SUPT3H: variants seen among roughly 807,000 people sequenced by gnomAD.
SUPT3H encodes transcription initiation protein SPT3 homolog.
A neutral mutation model predicts 44.3 loss-of-function variants in SUPT3H; 44 were observed. The ratio of observed to expected loss-of-function variants is 0.99; its 90% CI spans 0.78 to 1.28. The LOEUF is 1.28. SUPT3H is among the 50% of genes most tolerant of loss of function. The pLI, the probability that SUPT3H is intolerant of heterozygous loss-of-function variation, is 0.00. For synonymous variants in SUPT3H, 124 were observed against 125.6 expected (o/e 0.99, Z 0.09); for missense variants, 380 against 387.1 (o/e 0.98, Z 0.15).
In SUPT3H at chr6:45,328,692, G is replaced by A. The variant is rs1024670298; in HGVS notation, c.101+36509C>T. 2.5e-6 allele frequency: 4 copies of A among 1,611,712 alleles called. No individual in the cohort carries two copies. In the South Asian group the frequency reaches 3.3e-5, roughly 13 times the overall value. On this transcript the variant is annotated intron_variant, in intron 2 of 10. Coordinates refer to ENST00000371459, the MANE Select transcript of SUPT3H (RefSeq NM_003599.4). The stretch of plus-strand genomic sequence containing the variant: ...GCTGCAAGCAGTATTTACAACAGAG[G>A]GTACAAGTTCTATCTGAAAAAAAAA...
At chr6:44,885,829 G>A (rs1473253642) in intron 10 of SUPT3H, among the ~76,000 whole-genome samples, 8 of 152,206 alleles carry the variant, frequency 5.3e-5, no homozygotes, top group African/African-American at 1.9e-4. Context: ...AGCTACAGGA[G>A]GAAATTCAAA....
chr6:45,369,912 C>G (rs544704607), intron 1 of SUPT3H, among the ~76,000 whole-genome samples: 39 of 152,214 alleles, frequency 2.6e-4, no homozygotes, highest in African/African-American at 9.1e-4. Context: ...ACAGAAAGAA[C>G]AGCAAAGTAC....
intron 11 of SUPT3H, among the ~76,000 whole-genome samples, chr6:44,820,638 A>G (rs1221177015): frequency 6.6e-6 from 1 of 152,260 alleles, no homozygotes; most frequent in Non-Finnish European, 1.5e-5. Context: ...GCTGGGATAT[A>G]GCAGTAGGCA....
At chr6:45,291,368 T>C (rs1172828868) in intron 2 of SUPT3H, among the ~76,000 whole-genome samples, 1 of 152,136 alleles carries the variant, frequency 6.6e-6, no homozygotes, top group East Asian at 1.9e-4. Context: ...AAACCAACTC[T>C]GGTAATATGA....
At chr6:44,823,790 C>T (rs565408840), downstream of SUPT3H, among the ~76,000 whole-genome samples, 71 of 152,074 alleles carry the variant, frequency 4.7e-4, 1 homozygote, top group Admixed American at 2.0e-3. Context: ...AGTGAAACCC[C>T]GTCTCTACTA....
chr6:45,254,833 A>G (rs1773059066), intron 2 of SUPT3H, among the ~76,000 whole-genome samples: 2 of 152,254 alleles, frequency 1.3e-5, no homozygotes, highest in South Asian at 4.1e-4. Flanking sequence ...ACAATTCATA[A>G]GTTTTCAATT....
At chr6:45,166,365 G>C (rs1809847322) in intron 2 of SUPT3H, among the ~76,000 whole-genome samples, 1 of 152,058 alleles carries the variant, frequency 6.6e-6, no homozygotes, top group South Asian at 2.1e-4. Flanking sequence ...AAGGCGGGAG[G>C]ATCACGAGGT....
intron 1 of SUPT3H, chr6:45,371,854 A>C (rs1354465929): frequency 2.0e-6 from 2 of 983,214 alleles, no homozygotes; most frequent in Non-Finnish European, 2.4e-6. Flanking sequence ...ACAGTTTGAA[A>C]ATCACTAATT....
At chr6:45,248,356 T>G (rs974438563) in intron 2 of SUPT3H, among the ~76,000 whole-genome samples, 7 of 152,016 alleles carry the variant, frequency 4.6e-5, no homozygotes, top group Admixed American at 2.6e-4. Flanking sequence ...AAAGGACTTC[T>G]AAAGGACTGG....
chr6:44,924,251 CA>C (rs1456668703), intron 10 of SUPT3H, among the ~76,000 whole-genome samples: 1 of 151,914 alleles, frequency 6.6e-6, no homozygotes, highest in Non-Finnish European at 1.5e-5. Flanking sequence ...CTGTATAGCA[CA>C]TTATTAAAAA....
rs560012134 is a variant in SUPT3H at position 45,062,844 on chromosome 6, A to C, written c.187-42212T>G. On this transcript the variant is annotated intron_variant, in intron 3 of 10. Transcript: ENST00000371459. The stretch of plus-strand genomic sequence containing the variant: ...GAGTCTCCCTGATTGCTAGCACAGC[A>C]GTCTGAGATCAAACTGCAAGGCGGC... 6.9e-4 allele frequency among the ~76,000 whole-genome samples: 105 copies of C among 152,188 alleles called. 1 individual carries two copies. The East Asian group carries it at 0.02, about 29-fold the overall frequency.
At chr6:45,329,593 A>G (rs534686507) in intron 2 of SUPT3H, among the ~76,000 whole-genome samples, 1 of 152,044 alleles carries the variant, frequency 6.6e-6, no homozygotes, top group South Asian at 2.1e-4. Flanking sequence ...TTTTAATCAC[A>G]TTCTTGGACC....
intron 10 of SUPT3H, among the ~76,000 whole-genome samples, chr6:44,928,618 G>C (rs867590354): frequency 6.6e-6 from 1 of 151,954 alleles, no homozygotes; most frequent in Non-Finnish European, 1.5e-5. Flanking sequence ...AACAAGGGCC[G>C]GGCGCGGTGG....
chr6:45,065,025 C>T (rs1792997356), intron 3 of SUPT3H, among the ~76,000 whole-genome samples: 1 of 151,166 alleles, frequency 6.6e-6, no homozygotes, highest in East Asian at 2.0e-4. Flanking sequence ...CAGCACCACA[C>T]CACACCTATT....
At chr6:44,923,464 A>G (rs1769039587) in intron 10 of SUPT3H, among the ~76,000 whole-genome samples, 1 of 152,148 alleles carries the variant, frequency 6.6e-6, no homozygotes, top group Non-Finnish European at 1.5e-5. Context: ...TCTGTTGATT[A>G]GTAAGTTACG....
At chr6:44,855,383 C>G (rs1028859488) in intron 10 of SUPT3H, among the ~76,000 whole-genome samples, 9 of 152,246 alleles carry the variant, frequency 5.9e-5, no homozygotes, top group Admixed American at 1.3e-4. Context: ...CTAGTGTGCT[C>G]AGAAACGAAT....
intron 3 of SUPT3H, among the ~76,000 whole-genome samples, chr6:45,056,433 A>G (rs1791137586): frequency 6.6e-6 from 1 of 152,214 alleles, no homozygotes; most frequent in South Asian, 2.1e-4. Flanking sequence ...ACCAGTGCCA[A>G]TGCTCATCAA....
intron 3 of SUPT3H, among the ~76,000 whole-genome samples, chr6:45,082,698 C>G (rs1299286753): frequency 6.6e-6 from 1 of 152,054 alleles, no homozygotes; most frequent in Non-Finnish European, 1.5e-5. Flanking sequence ...AAAGCATTCT[C>G]CCTAAGAATA....
At chr6:45,338,344 T>TA (rs34686255) in intron 2 of SUPT3H, among the ~76,000 whole-genome samples, 199 of 147,712 alleles carry the variant, frequency 1.3e-3, no homozygotes, top group African/African-American at 4.0e-3. Context: ...GTAGCTCTCA[T>TA]AAAAAAAAAA....
Sources: gnomAD v4.1 joint callset for allele counts (sites outside exome capture counted in the v4.1 genomes callset) on GRCh38, gnomAD v4.1.1 for gene constraint, MANE v1.5 for transcripts, NCBI Gene and HGNC (gene_info 2026-07-23, HGNC 2026-07-21) for gene names.